The following STXBP5L variants were observed in gnomAD, a reference collection of about 807,000 sequenced individuals.
The protein encoded by STXBP5L is syntaxin binding protein 5L.
In STXBP5L, 65 loss-of-function variants were observed where a neutral mutation model predicts 144.5. The observed-to-expected ratio is 0.45, with a 90% confidence interval of 0.37 to 0.55. The LOEUF (loss-of-function observed/expected upper bound fraction) is 0.55, where lower values mean the gene tolerates loss of function less well. STXBP5L is among the 20% of genes least tolerant of loss of function. The pLI, the probability that STXBP5L is intolerant of heterozygous loss-of-function variation, is 0.00. For missense variants in STXBP5L, 1,298 were observed against 1,405.5 expected, an observed-to-expected ratio of 0.92 and a Z score of 1.22; for synonymous variants, 505 against 469.6, an observed-to-expected ratio of 1.08 and a Z score of -0.97.
intron 5 of STXBP5L, among the ~76,000 whole-genome samples, chr3:121,105,828 A>G (rs539763708): frequency 1.3e-5 from 2 of 152,260 alleles, no homozygotes; most frequent in African/African-American, 4.8e-5. Flanking sequence ...ATTAATATTG[A>G]TTTAAATTCT....
chr3:121,392,115 AC>A (rs2046603843), intron 22 of STXBP5L, among the ~76,000 whole-genome samples: 1 of 151,938 alleles, frequency 6.6e-6, no homozygotes, highest in Admixed American at 6.6e-5. Flanking sequence ...AATGGCAGAC[AC>A]CCCTCCCCAG....
intron 3 of STXBP5L, among the ~76,000 whole-genome samples, chr3:120,985,150 G>C (rs957875032): frequency 3.3e-5 from 5 of 151,940 alleles, no homozygotes; most frequent in Admixed American, 2.6e-4. Flanking sequence ...GTGTGACTTT[G>C]TTGTTAGGGT....
At chr3:121,053,221 T>A (rs1272597567) in intron 5 of STXBP5L, among the ~76,000 whole-genome samples, 1 of 152,146 alleles carries the variant, frequency 6.6e-6, no homozygotes, top group East Asian at 1.9e-4. Context: ...ATGGCTTTCT[T>A]CACAGAATTG....
chr3:121,072,884 C>T (rs750272158), intron 5 of STXBP5L, among the ~76,000 whole-genome samples: 5 of 152,112 alleles, frequency 3.3e-5, no homozygotes, highest in Non-Finnish European at 7.3e-5. Flanking sequence ...TTATATTTGG[C>T]TCTGTGGGCA....
intron 9 of STXBP5L, among the ~76,000 whole-genome samples, chr3:121,162,550 A>G (rs559840290): frequency 1.3e-5 from 2 of 152,330 alleles, no homozygotes; most frequent in African/African-American, 4.8e-5. Context: ...CAATGGCAAC[A>G]AAAGGCAAAA....
At chr3:121,193,238 C>A (rs183287873) in intron 9 of STXBP5L, among the ~76,000 whole-genome samples, 1 of 142,996 alleles carries the variant, frequency 7.0e-6, no homozygotes, top group East Asian at 2.9e-4. Context: ...TCATCACTGG[C>A]CGTCAGAGAA....
chr3:121,180,018 G>T (rs1483368076), intron 9 of STXBP5L, among the ~76,000 whole-genome samples: 1 of 152,172 alleles, frequency 6.6e-6, no homozygotes, highest in East Asian at 1.9e-4. Context: ...TTATTTGAAG[G>T]AATAATTGAG....
chr3:121,385,652 T>A (rs2046410661), intron 22 of STXBP5L, among the ~76,000 whole-genome samples: 1 of 152,162 alleles, frequency 6.6e-6, no homozygotes, highest in African/African-American at 2.4e-5. Context: ...ATAGCCTCCA[T>A]AACTTCAATT....
intron 20 of STXBP5L, among the ~76,000 whole-genome samples, chr3:121,360,135 C>A (rs920090206): frequency 1.4e-5 from 2 of 147,382 alleles, no homozygotes; most frequent in Non-Finnish European, 3.0e-5. Context: ...CTGAATTGAC[C>A]CCTTCATTAT....
intron 5 of STXBP5L, among the ~76,000 whole-genome samples, chr3:121,085,935 G>A (rs1413791114): frequency 6.6e-6 from 1 of 152,142 alleles, no homozygotes; most frequent in African/African-American, 2.4e-5. Flanking sequence ...CAAGGCTACA[G>A]TAACCAAAAC....
intron 3 of STXBP5L, among the ~76,000 whole-genome samples, chr3:121,032,886 C>G (rs1946474990): frequency 1.8e-5 from 1 of 55,680 alleles, no homozygotes; most frequent in Admixed American, 2.3e-4. Flanking sequence ...CATCTCACAT[C>G]AGTTAGAATG....
intron 3 of STXBP5L, among the ~76,000 whole-genome samples, chr3:121,012,167 C>T (rs1437039153): frequency 6.6e-6 from 1 of 151,772 alleles, no homozygotes; most frequent in Non-Finnish European, 1.5e-5. Context: ...AAATAAAATT[C>T]TATTTTATGG....
At chr3:121,175,546 A>G (rs1326286201) in intron 9 of STXBP5L, among the ~76,000 whole-genome samples, 1 of 152,102 alleles carries the variant, frequency 6.6e-6, no homozygotes. Context: ...TAAATTTTAA[A>G]CCCTGGGACA....
At chr3:121,342,602 T>G (rs1576224785) in intron 20 of STXBP5L, among the ~76,000 whole-genome samples, 1 of 151,108 alleles carries the variant, frequency 6.6e-6, no homozygotes, top group African/African-American at 2.4e-5. Context: ...CAGTGTTTGG[T>G]TTTTTGTTCT....
At chr3:120,975,861 T>C (rs1940927304) in intron 3 of STXBP5L, among the ~76,000 whole-genome samples, 1 of 152,192 alleles carries the variant, frequency 6.6e-6, no homozygotes, top group Non-Finnish European at 1.5e-5. Context: ...GATTTGTGTA[T>C]ATTGAACCAG....
chr3:121,098,069 A>G (rs1279789608), intron 5 of STXBP5L, among the ~76,000 whole-genome samples: 6 of 152,162 alleles, frequency 3.9e-5, no homozygotes, highest in African/African-American at 1.2e-4. Context: ...CCCTATTAGT[A>G]TAATTTTCTG....
Position 121,279,911 on chromosome 3 carries a change from CA to C in STXBP5L, c.2066del (p.Gln689ArgfsTer17). The part of the protein sequence containing the change: ...IDLYRSSDLY[Q>X]RQPRSPRKNK... ...CCTATATAGATCAAGTGACTTATAC[CA>C]GCGACAACCACGGTCTCCTCGAAAA... On this transcript the variant is annotated frameshift_variant, in exon 19 of 27. Coordinates refer to ENST00000471454, the MANE Select transcript of STXBP5L (RefSeq NM_001308330.2). LOFTEE classifies it high-confidence loss of function. The C allele has an allele frequency of 6.2e-7, 1 of 1,612,240 alleles. No individual in the cohort carries two copies. Among genetic ancestry groups the C allele is most frequent in the Non-Finnish European group, 8.5e-7 (1 of 1,178,790 alleles).
At chr3:120,939,728 T>G (rs1288786718) in intron 2 of STXBP5L, among the ~76,000 whole-genome samples, 1 of 152,212 alleles carries the variant, frequency 6.6e-6, no homozygotes, top group African/African-American at 2.4e-5. Flanking sequence ...TTCTTGTTTC[T>G]TTTAAGAAAT....
rs2108439361 is a variant in STXBP5L, at chr3:121,279,849, T to C, written c.2003T>C (p.Ile668Thr). 1 of 1,612,692 alleles carries C rather than the reference T, an allele frequency of 6.2e-7. No individual in the cohort carries two copies. Among genetic ancestry groups the C allele is most frequent in the South Asian group, 1.1e-5 (1 of 91,060 alleles). The change falls in exon 19 of 27, where the codon ATA becomes ACA. Residue 668 changes from isoleucine (I) to threonine (T), a missense_variant. Physicochemically the swap from Ile to Thr is moderately conservative, Grantham distance 89 (BLOSUM62 -1). Coordinates refer to ENST00000471454, the MANE Select transcript of STXBP5L (RefSeq NM_001308330.2). Reference sequence around the variant, plus strand: ...AATGGGTTGGCTGTGGTGGATTTTATACAGAAGACAGTACTGTTAAGCATG... The same window carrying C: ...AATGGGTTGGCTGTGGTGGATTTTACACAGAAGACAGTACTGTTAAGCATG... ...NCNGLAVVDF[I>T]QKTVLLSMGT... is the part of the protein sequence containing the mutation.
Sources: allele counts gnomAD v4.1 joint callset (sites outside exome capture counted in the v4.1 genomes callset), GRCh38; gene constraint gnomAD v4.1.1; transcripts MANE v1.5; gene names NCBI Gene and HGNC (gene_info 2026-07-23, HGNC 2026-07-21).